The following ADGRG4 variants were observed in gnomAD, a reference collection of about 807,000 sequenced individuals.
The protein encoded by ADGRG4 is G protein-coupled receptor 112.
A neutral mutation model predicts 126.2 loss-of-function variants in ADGRG4; 122 were observed. That is an observed-to-expected ratio of 0.97 (90% confidence interval 0.83 to 1.12). The LOEUF (loss-of-function observed/expected upper bound fraction) is 1.12, where lower values mean the gene tolerates loss of function less well. ADGRG4 is among the 50% of genes most tolerant of loss of function. The pLI is 0.00. For synonymous variants in ADGRG4, 943 were observed against 838.7 expected (o/e 1.12, Z -2.15); for missense variants, 2,481 against 2,251.8 (o/e 1.10, Z -2.06).
intron 16 of ADGRG4, among the ~76,000 whole-genome samples, chrX:136,390,838 C>A (rs1318684833): frequency 4.5e-5 from 5 of 110,489 alleles, no homozygotes; most frequent in African/African-American, 1.6e-4. Context: ...GTCACTTAGA[C>A]TAAGTTGGGA....
At chrX:136,352,387 T>A (rs1276527360) in intron 7 of ADGRG4, among the ~76,000 whole-genome samples, 1 of 110,627 alleles carries the variant, frequency 9.0e-6, no homozygotes, top group African/African-American at 3.3e-5. Context: ...AATGCTGGGC[T>A]GGGCACTGTG....
At chrX:136,362,790 T>A (rs180751988) in intron 12 of ADGRG4, among the ~76,000 whole-genome samples, 4 of 111,926 alleles carry the variant, frequency 3.6e-5, no homozygotes, top group Non-Finnish European at 5.6e-5. Context: ...GTCTCTTTCC[T>A]TGGTAGTTTG....
At chrX:136,409,655 G>A (rs2075435576) in intron 23 of ADGRG4, among the ~76,000 whole-genome samples, 2 of 111,612 alleles carry the variant, frequency 1.8e-5, no homozygotes, top group African/African-American at 3.3e-5. Flanking sequence ...GAGAGTTAGC[G>A]AGACATGCCA....
Position 136,349,512 on chromosome X carries a change from G to A in ADGRG4, c.5806G>A (p.Ala1936Thr). The A allele has an allele frequency of 2.5e-6, 3 of 1,205,075 alleles. No homozygotes were observed. The highest frequency in any genetic ancestry group is 3.4e-6 in the Non-Finnish European group (3 of 889,649). ...TGGTCTAGTATCTAAAGATGTCATGGCAATGTCATCAATTCCTATGTCAGG... is the reference window on the plus strand; with the variant it reads ...TGGTCTAGTATCTAAAGATGTCATGACAATGTCATCAATTCCTATGTCAGG... ...QTGLVSKDVM[A>T]MSSIPMSGIL... Residue 1936 changes from alanine (A) to threonine (T), a missense_variant, in exon 6 of 26, where the codon GCA (alanine) becomes ACA (threonine). Ala to Thr is a moderately conservative substitution (Grantham distance 58). Coordinates refer to ENST00000394143, the MANE Select transcript of ADGRG4 (RefSeq NM_153834.4).
rs201510108 is a variant in ADGRG4, at chrX:136,356,135, A to G, written c.6897A>G (p.Ser2299=). The change falls in exon 9 of 26, where the codon TCA becomes TCG. Residue 2299 remains serine (S), a synonymous_variant. Transcript: ENST00000394143. ...AATGCTTTTGATACAGGGACATTTC[A>G]GAGGAAGAGATGGTCATGGATCGAG... is the stretch of plus-strand genomic sequence containing the variant. ...LETQIKSRDI[S]EEEMVMDRAI... is the part of the protein sequence containing the mutation. 3.4e-6 allele frequency: 4 copies of G among 1,183,699 alleles called. No individual in the cohort carries two copies. The Admixed American group carries it at 6.6e-5, about 20-fold the overall frequency.
chrX:136,313,206 G>A (rs2074784251), intron 4 of ADGRG4, among the ~76,000 whole-genome samples: 1 of 112,153 alleles, frequency 8.9e-6, no homozygotes, highest in African/African-American at 3.2e-5. Context: ...GTAACTTCAT[G>A]ATTAACATTT....
chrX:136,306,920 C>T (rs1459124400), intron 3 of ADGRG4, among the ~76,000 whole-genome samples: 1 of 110,667 alleles, frequency 9.0e-6, no homozygotes, highest in Non-Finnish European at 1.9e-5. Flanking sequence ...CACCATGTTG[C>T]CTAGGCTGGT....
At chrX:136,357,827 C>A in intron 10 of ADGRG4, 71 bp downstream of exon 10, 2 of 733,252 alleles carry the variant, frequency 2.7e-6, no homozygotes, top group Non-Finnish European at 2.1e-6. Flanking sequence ...TTTAATTCTG[C>A]ATGTGCGGCC....
rs772076523 is a variant in ADGRG4 at position 136,388,620 on chromosome X, C to T, written c.7911+746C>T. Among the ~76,000 whole-genome samples, 4 of 112,080 alleles carry T rather than the reference C, an allele frequency of 3.6e-5. No homozygotes were observed. In the East Asian group the frequency reaches 1.1e-3, roughly 32 times the overall value. ...ATAAGTACCATGTTAAGTGTTTGCT[C>T]TACTATTATTAGTATCCTGTCTTAG... On this transcript the variant is annotated intron_variant, in intron 16 of 25. Transcript: ENST00000394143.
At chrX:136,309,003 A>G in intron 4 of ADGRG4, among the ~76,000 whole-genome samples, 156 bp downstream of exon 4, 1 of 112,612 alleles carries the variant, frequency 8.9e-6, no homozygotes, top group Non-Finnish European at 1.9e-5. Context: ...CTGAAGCATC[A>G]GTAAGTGAAT....
At chrX:136,412,820 C>T (rs868143808) in intron 24 of ADGRG4, among the ~76,000 whole-genome samples, 2 of 111,910 alleles carry the variant, frequency 1.8e-5, no homozygotes, top group Non-Finnish European at 1.9e-5. Context: ...TGATGGCCCA[C>T]GAACTGGGGG....
chrX:136,410,593 G>A (rs2075440617), intron 23 of ADGRG4, among the ~76,000 whole-genome samples: 1 of 111,762 alleles, frequency 8.9e-6, no homozygotes, highest in African/African-American at 3.3e-5. Flanking sequence ...GAGAATAAAG[G>A]TTTCCAAACT....
chrX:136,413,732 TTGTTTTTGTTTTTG>T (rs1409758745), intron 24 of ADGRG4, among the ~76,000 whole-genome samples: 2 of 72,192 alleles, frequency 2.8e-5, no homozygotes, highest in African/African-American at 1.2e-4. Context: ...TTTTTTGTTT[TTGTTTTTGTTTTTG>T]TTTTTTTTTT....
chrX:136,414,236 G>A lies in ADGRG4; in HGVS notation c.9114G>A (p.Leu3038=), dbSNP rs2075464360. The A allele has an allele frequency of 5.8e-6, 7 of 1,204,026 alleles. No homozygotes were observed. The East Asian group carries it at 2.1e-4, about 36-fold the overall frequency. The change falls in exon 25 of 26, where the codon TTG becomes TTA. Residue 3038 remains leucine, a synonymous_variant. Coordinates refer to ENST00000394143, the MANE Select transcript of ADGRG4 (RefSeq NM_153834.4). ...AGAAAATCTTTGAGCACAAACTGTT[G>A]ACGCCATCTCTCAAGTCAACTGCAA... The part of the protein sequence containing the change: ...GLKKIFEHKL[L]TPSLKSTATS...
chrX:136,406,833 C>T (rs1427211747), intron 23 of ADGRG4, among the ~76,000 whole-genome samples: 2 of 107,975 alleles, frequency 1.9e-5, no homozygotes, highest in East Asian at 5.9e-4. Flanking sequence ...GAGAATTGCT[C>T]AAACTCTGGG....
rs1336971523 is a variant in ADGRG4 at position 136,349,417 on chromosome X, C to T, written c.5711C>T (p.Ser1904Phe). The T allele has an allele frequency of 8.3e-7, 1 of 1,203,708 alleles. No homozygotes were observed. Among genetic ancestry groups the T allele is most frequent in the Non-Finnish European group, 1.1e-6 (1 of 888,601 alleles). ...PISTTINVPT[S>F]NEMETETLHL... ...TCCACCACTATTAATGTACCTACAT[C>T]CAATGAGATGGAAACAGAGACTCTA... is the stretch of plus-strand genomic sequence containing the variant. Residue 1904 changes from serine to phenylalanine, a missense_variant, in exon 6 of 26, where the codon TCC becomes TTC. By Grantham distance (155) the Ser-to-Phe change is radical. Transcript: ENST00000394143.
Position 136,349,377 on chromosome X carries a change from T to C in ADGRG4, c.5671T>C (p.Ser1891Pro). ...CTGGAACATACCCACAGCTGAAGGTTCTCAGTTTCCAATTTCCACCACTAT... is the reference window on the plus strand; with the variant it reads ...CTGGAACATACCCACAGCTGAAGGTCCTCAGTTTCCAATTTCCACCACTAT... ...TSWNIPTAEG[S>P]QFPISTTINV... The change falls in exon 6 of 26, where the codon TCT (serine) becomes CCT (proline). Residue 1891 changes from serine to proline, a missense_variant. By Grantham distance (74) the Ser-to-Pro change is moderately conservative. Transcript: ENST00000394143. 8.3e-7 allele frequency: 1 copy of C among 1,204,741 alleles called. No homozygotes were observed. Among genetic ancestry groups the C allele is most frequent in the Non-Finnish European group, 1.1e-6 (1 of 889,505 alleles).
At chrX:136,354,960 C>T (rs973992721) in intron 8 of ADGRG4, among the ~76,000 whole-genome samples, 1 of 111,243 alleles carries the variant, frequency 9.0e-6, no homozygotes, top group African/African-American at 3.3e-5. Flanking sequence ...TTTATGGAAA[C>T]ATCATTATGT....
intron 15 of ADGRG4, among the ~76,000 whole-genome samples, chrX:136,376,965 C>G (rs1369707822): frequency 9.1e-6 from 1 of 110,417 alleles, no homozygotes; most frequent in East Asian, 2.8e-4. Context: ...ATTGCTATGA[C>G]TAGGACTTCC....
Sources: allele counts gnomAD v4.1 joint callset (sites outside exome capture counted in the v4.1 genomes callset), GRCh38; gene constraint gnomAD v4.1.1; transcripts MANE v1.5; gene names NCBI Gene and HGNC (gene_info 2026-07-23, HGNC 2026-07-21).